The following SEMA6D variants were observed in gnomAD, a reference collection of about 807,000 sequenced individuals.
The protein encoded by SEMA6D is semaphorin-6D.
In SEMA6D, 35 loss-of-function variants were observed where a neutral mutation model predicts 106.6. The observed-to-expected ratio is 0.33, with a 90% CI of 0.25 to 0.44. The LOEUF (loss-of-function observed/expected upper bound fraction) is 0.44. Ranked by LOEUF, SEMA6D falls within the 20% of genes least tolerant of loss-of-function variation. The probability of loss-of-function intolerance (pLI) is 1.00; values close to 1 mark genes in which losing one functional copy is unlikely to be tolerated. For synonymous variants in SEMA6D, 499 were observed against 487.7 expected (o/e 1.02, Z -0.31); for missense variants, 1,185 against 1,345.9 (o/e 0.88, Z 1.87).
intron 3 of SEMA6D, among the ~76,000 whole-genome samples, chr15:47,530,307 C>A (rs951674154): frequency 1.3e-5 from 2 of 152,152 alleles, no homozygotes; most frequent in Non-Finnish European, 2.9e-5. Flanking sequence ...CACATTCAGA[C>A]AGAACATCTA....
chr15:47,736,966 G>A (rs1451489829), intron 1 of SEMA6D, among the ~76,000 whole-genome samples: 4 of 152,058 alleles, frequency 2.6e-5, no homozygotes, highest in African/African-American at 7.2e-5. Context: ...GAATTGGCAT[G>A]GATCTTTGTG....
At chr15:47,552,096 A>G (rs1293582832) in intron 3 of SEMA6D, among the ~76,000 whole-genome samples, 2 of 152,156 alleles carry the variant, frequency 1.3e-5, no homozygotes, top group African/African-American at 4.8e-5. Flanking sequence ...CAATAGTGAA[A>G]TACTAGAAAC....
intron 2 of SEMA6D, among the ~76,000 whole-genome samples, chr15:47,417,413 A>ATGTGTGTG (rs34541759): frequency 8.2e-5 from 12 of 146,666 alleles, no homozygotes; most frequent in African/African-American, 3.1e-4. Flanking sequence ...GTGTGTGTAT[A>ATGTGTGTG]TGTGTGTGTG....
intron 3 of SEMA6D, among the ~76,000 whole-genome samples, chr15:47,477,976 T>C (rs2043046785): frequency 6.6e-6 from 1 of 152,178 alleles, no homozygotes; most frequent in Non-Finnish European, 1.5e-5. Flanking sequence ...AAGTGTTCCA[T>C]CAATAAACTC....
intron 1 of SEMA6D, among the ~76,000 whole-genome samples, chr15:47,235,471 A>G (rs1389275711): frequency 2.0e-5 from 3 of 152,010 alleles, no homozygotes; most frequent in Admixed American, 6.6e-5. Context: ...TGGGTCTTAA[A>G]GTCTTTGATC....
intron 1 of SEMA6D, among the ~76,000 whole-genome samples, chr15:47,332,695 G>A (rs1185622963): frequency 3.9e-5 from 6 of 152,188 alleles, no homozygotes; most frequent in Non-Finnish European, 8.8e-5. Context: ...ATGGGTGAGA[G>A]AGGCATGCCT....
chr15:47,386,808 A>G (rs2039854605), intron 1 of SEMA6D, among the ~76,000 whole-genome samples: 1 of 152,256 alleles, frequency 6.6e-6, no homozygotes, highest in Non-Finnish European at 1.5e-5. Flanking sequence ...CACAGGGGCT[A>G]GAATGGGTTG....
At chr15:47,719,843 G>C (rs1440104168) in intron 1 of SEMA6D, among the ~76,000 whole-genome samples, 1 of 152,208 alleles carries the variant, frequency 6.6e-6, no homozygotes, top group East Asian at 1.9e-4. Context: ...ATTAAGTTGT[G>C]TGTAGTCATG....
At chr15:47,469,300 G>A (rs2042758980) in intron 2 of SEMA6D, among the ~76,000 whole-genome samples, 1 of 29,348 alleles carries the variant, frequency 3.4e-5, no homozygotes, top group African/African-American at 4.5e-4. Context: ...TTGCTTTAAG[G>A]TGTGTGTGTG....
intron 3 of SEMA6D, chr15:47,581,340 A>G (rs781458353): frequency 8.1e-6 from 4 of 493,162 alleles, no homozygotes; most frequent in Admixed American, 2.0e-5. Flanking sequence ...ATGTCACCTT[A>G]TGGCAGAACT....
chr15:47,490,460 A>G (rs2043438075), intron 3 of SEMA6D, among the ~76,000 whole-genome samples: 4 of 152,204 alleles, frequency 2.6e-5, no homozygotes, highest in South Asian at 2.1e-4. Context: ...CCTGGCCAAT[A>G]TGGTGAGACC....
At chr15:47,201,160 T>C (rs1461323979) in intron 1 of SEMA6D, among the ~76,000 whole-genome samples, 1 of 152,248 alleles carries the variant, frequency 6.6e-6, no homozygotes, top group Non-Finnish European at 1.5e-5. Flanking sequence ...ATTTCTACAT[T>C]ATGCTTCTTT....
At chr15:47,624,537 G>GA (rs5812404) in intron 4 of SEMA6D, among the ~76,000 whole-genome samples, 43,402 of 152,122 alleles carry the variant, frequency 0.29, 7,210 homozygotes, top group East Asian at 0.45. Context: ...AAGTGTTCTT[G>GA]AAAGATTAGA....
intron 4 of SEMA6D, among the ~76,000 whole-genome samples, chr15:47,619,533 T>C (rs776396145): frequency 5.9e-5 from 9 of 152,176 alleles, no homozygotes; most frequent in African/African-American, 7.2e-5. Flanking sequence ...TTTTTAGCAG[T>C]GTTCCTTAAA....
Position 47,761,144 on chromosome 15 carries a change from CTTGA to C in SEMA6D, c.283-11_283-8del. The C allele has an allele frequency of 6.2e-7, 1 of 1,613,348 alleles. No homozygotes were observed. The highest frequency in any genetic ancestry group is 2.2e-5 in the East Asian group (1 of 44,728). Reference sequence around the variant, plus strand: ...GCAGTTAAAAACTGCTTTGGTTTTGCTTGATTAATACAGAAACTGACATGGCGAT... The same window carrying C: ...GCAGTTAAAAACTGCTTTGGTTTTGCTTAATACAGAAACTGACATGGCGAT... On this transcript the variant is annotated splice_polypyrimidine_tract_variant and intron_variant, in intron 4 of 18. Coordinates refer to ENST00000536845, the MANE Select transcript of SEMA6D (RefSeq NM_001358351.3).
intron 1 of SEMA6D, among the ~76,000 whole-genome samples, chr15:47,343,270 T>TTATTATTATTATTAC (rs1161037134): frequency 6.6e-6 from 1 of 150,634 alleles, no homozygotes; most frequent in African/African-American, 2.5e-5. Context: ...ATTATTATTA[T>TTATTATTATTATTAC]TATACTTTAA....
chr15:47,264,301 T>C (rs998084337), intron 1 of SEMA6D, among the ~76,000 whole-genome samples: 2 of 151,904 alleles, frequency 1.3e-5, no homozygotes, highest in Non-Finnish European at 2.9e-5. Flanking sequence ...ACAAGTTTAC[T>C]TATGTAATAA....
At chr15:47,625,939 C>G (rs2077194217) in intron 4 of SEMA6D, among the ~76,000 whole-genome samples, 1 of 152,032 alleles carries the variant, frequency 6.6e-6, no homozygotes, top group Non-Finnish European at 1.5e-5. Context: ...ATTTTGAAGG[C>G]CATTACTTAA....
At chr15:47,365,936 GAGAA>G (rs140738988) in intron 1 of SEMA6D, among the ~76,000 whole-genome samples, 19,915 of 147,520 alleles carry the variant, frequency 0.13, 1,246 homozygotes, top group Admixed American at 0.17. Context: ...AAGAAAGAAA[GAGAA>G]AGAAAGAAAG....
Sources: allele counts gnomAD v4.1 joint callset (sites outside exome capture counted in the v4.1 genomes callset), GRCh38; gene constraint gnomAD v4.1.1; transcripts MANE v1.5; gene names NCBI Gene and HGNC (gene_info 2026-07-23, HGNC 2026-07-21).